Variants in MEI4 observed in about 807,000 individuals in gnomAD.
The protein encoded by MEI4 is meiotic double-stranded break formation protein 4, also known as meiosis-specific protein MEI4.
Under a neutral mutation model 31.4 loss-of-function variants are expected in MEI4, and 27 were observed. That is an observed-to-expected ratio of 0.86 (90% CI 0.63 to 1.19). The LOEUF is 1.19. Among genes scored for constraint, MEI4 ranks in the 50% most tolerant of loss-of-function variants. MEI4 has a pLI of 0.00. For synonymous variants in MEI4, 122 were observed against 145.4 expected (o/e 0.84, Z 1.16); for missense variants, 329 against 398.9 (o/e 0.82, Z 1.49).
At chr6:77,664,891 A>G (rs1222770672) in intron 1 of MEI4, among the ~76,000 whole-genome samples, 1 of 152,150 alleles carries the variant, frequency 6.6e-6, no homozygotes, top group Non-Finnish European at 1.5e-5. Flanking sequence ...ATTGGGGTCA[A>G]GCGGCATTGC....
intron 4 of MEI4, among the ~76,000 whole-genome samples, chr6:77,918,078 A>G (rs1204720241): frequency 2.7e-5 from 4 of 150,866 alleles, no homozygotes; most frequent in Admixed American, 2.6e-4. Flanking sequence ...AGATAGTTGT[A>G]GATATGTGGC....
At chr6:77,699,361 T>G (rs1172042685) in intron 2 of MEI4, among the ~76,000 whole-genome samples, 2 of 151,434 alleles carry the variant, frequency 1.3e-5, no homozygotes, top group South Asian at 2.1e-4. Context: ...GGCTAATTTT[T>G]TTTTGTATTT....
At chr6:77,735,305 C>T (rs1403546566) in intron 2 of MEI4, among the ~76,000 whole-genome samples, 1 of 151,742 alleles carries the variant, frequency 6.6e-6, no homozygotes, top group Non-Finnish European at 1.5e-5. Context: ...TCACATAGTC[C>T]CATATTTCTT....
At chr6:77,894,394 TAAAA>T (rs529039006) in intron 4 of MEI4, among the ~76,000 whole-genome samples, 337 of 152,002 alleles carry the variant, frequency 2.2e-3, no homozygotes, top group African/African-American at 7.4e-3. Flanking sequence ...TATTTTTTTT[TAAAA>T]AAAAGAAAGA....
intron 2 of MEI4, among the ~76,000 whole-genome samples, chr6:77,732,267 A>G (rs1299732515): frequency 6.6e-6 from 1 of 151,936 alleles, no homozygotes; most frequent in African/African-American, 2.4e-5. Context: ...TGAGCATGGA[A>G]TGTTCTTCCA....
intron 3 of MEI4, among the ~76,000 whole-genome samples, chr6:77,828,149 T>C (rs1769998257): frequency 6.6e-6 from 1 of 152,098 alleles, no homozygotes; most frequent in Admixed American, 6.5e-5. Flanking sequence ...TAACAGATAT[T>C]TCTCTTCAAC....
intron 2 of MEI4, among the ~76,000 whole-genome samples, chr6:77,696,335 C>T (rs1027912659): frequency 1.3e-5 from 2 of 152,160 alleles, no homozygotes; most frequent in East Asian, 1.9e-4. Context: ...GCATCCCTGT[C>T]TTGTGCCAGT....
At chr6:77,865,498 C>T (rs539483712) in intron 4 of MEI4, among the ~76,000 whole-genome samples, 16 of 152,192 alleles carry the variant, frequency 1.1e-4, no homozygotes, top group Non-Finnish European at 1.5e-4. Context: ...ATAAACTCCT[C>T]GACAAATACA....
intron 2 of MEI4, among the ~76,000 whole-genome samples, chr6:77,751,532 C>G (rs1056403170): frequency 1.3e-5 from 2 of 152,122 alleles, no homozygotes; most frequent in East Asian, 3.9e-4. Flanking sequence ...TGGGTAAGTT[C>G]CTGAACACAT....
intron 2 of MEI4, among the ~76,000 whole-genome samples, chr6:77,734,321 A>T (rs1214545747): frequency 6.7e-6 from 1 of 148,846 alleles, no homozygotes; most frequent in Non-Finnish European, 1.5e-5. Flanking sequence ...CTGTATTGGG[A>T]TATATATTTA....
At chr6:77,742,237 A>G (rs1326378224) in intron 2 of MEI4, among the ~76,000 whole-genome samples, 2 of 151,568 alleles carry the variant, frequency 1.3e-5, no homozygotes, top group Non-Finnish European at 2.9e-5. Flanking sequence ...AGTCCCACCA[A>G]CAGTGTCAAA....
intron 2 of MEI4, among the ~76,000 whole-genome samples, chr6:77,736,288 C>T (rs1767212155): frequency 6.6e-6 from 1 of 152,042 alleles, no homozygotes; most frequent in African/African-American, 2.4e-5. Flanking sequence ...ATCAGCAAGA[C>T]TCCGTGGGCG....
At chr6:77,763,849 CTG>C (rs1476044738) in intron 3 of MEI4, among the ~76,000 whole-genome samples, 1 of 151,878 alleles carries the variant, frequency 6.6e-6, no homozygotes. Context: ...GAGTCTCACT[CTG>C]TCACCAGGTT....
At chr6:77,874,395 A>C (rs540440255) in intron 4 of MEI4, among the ~76,000 whole-genome samples, 12 of 151,632 alleles carry the variant, frequency 7.9e-5, no homozygotes, top group Non-Finnish European at 1.3e-4. Context: ...CTCATGATTC[A>C]GCTCTCTGTT....
intron 4 of MEI4, among the ~76,000 whole-genome samples, chr6:77,922,510 T>C (rs1269390727): frequency 6.6e-6 from 1 of 151,724 alleles, no homozygotes; most frequent in Non-Finnish European, 1.5e-5. Context: ...TTTAGGCCTT[T>C]CTGTGACTTG....
chr6:77,907,984 G>C (rs2127737538), intron 4 of MEI4, among the ~76,000 whole-genome samples: 1 of 136,106 alleles, frequency 7.3e-6, no homozygotes, highest in East Asian at 2.1e-4. Flanking sequence ...TCACGCACTT[G>C]TTGATGGGGT....
chr6:77,902,517 G>A (rs1766206145), intron 4 of MEI4, among the ~76,000 whole-genome samples: 1 of 152,040 alleles, frequency 6.6e-6, no homozygotes, highest in African/African-American at 2.4e-5. Context: ...CATTGTTAGT[G>A]TATAGAAGCA....
intron 1 of MEI4, among the ~76,000 whole-genome samples, chr6:77,671,571 A>G (rs768069014): frequency 2.0e-5 from 3 of 152,196 alleles, no homozygotes; most frequent in Non-Finnish European, 2.9e-5. Flanking sequence ...GGATAAATGC[A>G]TAAAAATTTT....
At chr6:77,879,252 T>G (rs930489144) in intron 4 of MEI4, among the ~76,000 whole-genome samples, 1 of 152,180 alleles carries the variant, frequency 6.6e-6, no homozygotes, top group Non-Finnish European at 1.5e-5. Context: ...CTGTGAACAT[T>G]GTGAAAGTTT....
Sources: allele counts gnomAD v4.1 joint callset (sites outside exome capture counted in the v4.1 genomes callset), GRCh38; gene constraint gnomAD v4.1.1; transcripts MANE v1.5; gene names NCBI Gene and HGNC (gene_info 2026-07-23, HGNC 2026-07-21).